INVS: variants seen among roughly 807,000 people sequenced by gnomAD.
INVS encodes inversion of embryo turning homolog.
Under a neutral mutation model 108.8 loss-of-function variants are expected in INVS, and 86 were observed. The observed-to-expected ratio is 0.79, with a 90% CI of 0.66 to 0.95. The LOEUF (loss-of-function observed/expected upper bound fraction) is 0.95, where lower values mean the gene tolerates loss of function less well. INVS is among the 40% of genes least tolerant of loss of function. The pLI is 0.00. For synonymous variants in INVS, 455 were observed against 473.5 expected (o/e 0.96, Z 0.51); for missense variants, 1,169 against 1,297.4 (o/e 0.90, Z 1.52).
intron 3 of INVS, among the ~76,000 whole-genome samples, chr9:100,167,059 C>A (rs982171916): frequency 9.2e-5 from 14 of 151,996 alleles, no homozygotes; most frequent in Admixed American, 2.6e-4. Context: ...GGCGAAACCC[C>A]ATCTCTACTA....
chr9:100,226,578 C>T (rs1215644608), intron 4 of INVS, among the ~76,000 whole-genome samples: 1 of 151,920 alleles, frequency 6.6e-6, no homozygotes, highest in Non-Finnish European at 1.5e-5. Context: ...TTTGGGAGGC[C>T]GAGGCAAGTG....
At chr9:100,190,204 T>G (rs895124786) in intron 3 of INVS, among the ~76,000 whole-genome samples, 22 of 152,224 alleles carry the variant, frequency 1.4e-4, no homozygotes, top group Admixed American at 7.9e-4. Context: ...TAGCTACTCT[T>G]GCCTGCTTTT....
chr9:100,237,367 G>A (rs928897289), intron 5 of INVS, among the ~76,000 whole-genome samples: 4 of 152,076 alleles, frequency 2.6e-5, no homozygotes, highest in Admixed American at 1.3e-4. Context: ...TGGAGTGAAC[G>A]GTTTTGTTTC....
intron 10 of INVS, among the ~76,000 whole-genome samples, chr9:100,259,557 C>CTTT (rs35844010): frequency 3.0e-5 from 4 of 132,968 alleles, no homozygotes; most frequent in African/African-American, 5.7e-5. Flanking sequence ...GAACTGGGGC[C>CTTT]TTTTTTTTTT....
At chr9:100,140,457 T>C (rs1828388871) in intron 3 of INVS, among the ~76,000 whole-genome samples, 1 of 152,150 alleles carries the variant, frequency 6.6e-6, no homozygotes, top group Non-Finnish European at 1.5e-5. Context: ...ATGTCATCAG[T>C]TAAGGCAAGA....
chr9:100,258,009 A>G lies in INVS; in HGVS notation c.1464+4873A>G, dbSNP rs185089352. Reference sequence around the variant, plus strand: ...ATAATATCCTGAACAGTGTTTTCCAACTTGGTTCCATTCTTCCCGTCACTT... The same window carrying G: ...ATAATATCCTGAACAGTGTTTTCCAGCTTGGTTCCATTCTTCCCGTCACTT... On this transcript the variant is annotated intron_variant, in intron 10 of 16. Transcript: ENST00000262457. Among the ~76,000 whole-genome samples the G allele has an allele frequency of 1.7e-3, 260 of 152,310 alleles. 1 individual carries two copies. Among genetic ancestry groups the G allele is most frequent in the African/African-American group, 5.3e-3 (220 of 41,562 alleles).
intron 7 of INVS, among the ~76,000 whole-genome samples, chr9:100,243,565 C>T (rs907024878): frequency 1.3e-5 from 2 of 152,160 alleles, no homozygotes; most frequent in Non-Finnish European, 2.9e-5. Context: ...CCAGTCCACC[C>T]TGCAACATGA....
At chr9:100,124,057 C>A (rs1827805640) in intron 2 of INVS, among the ~76,000 whole-genome samples, 1 of 152,220 alleles carries the variant, frequency 6.6e-6, no homozygotes, top group Admixed American at 6.5e-5. Context: ...GATCCGCCCA[C>A]CTCAGCCTCC....
intron 14 of INVS, among the ~76,000 whole-genome samples, chr9:100,295,238 T>G (rs1419035902): frequency 6.6e-6 from 1 of 152,166 alleles, no homozygotes; most frequent in Admixed American, 6.5e-5. Flanking sequence ...TGTCAGTAAG[T>G]GACCAGAGTA....
At chr9:100,212,411 A>G (rs1366753012) in intron 3 of INVS, among the ~76,000 whole-genome samples, 1 of 152,222 alleles carries the variant, frequency 6.6e-6, no homozygotes, top group Non-Finnish European at 1.5e-5. Flanking sequence ...TGAGACAACT[A>G]TTAATATAGA....
chr9:100,237,849 G>A lies in INVS; in HGVS notation c.616-2211G>A, dbSNP rs117417040. Among the ~76,000 whole-genome samples, 422 of 151,070 alleles carry A rather than the reference G, an allele frequency of 2.8e-3. 2 individuals are homozygous for A. The highest frequency in any genetic ancestry group is 5.1e-3 in the Non-Finnish European group (343 of 67,644). On this transcript the variant is annotated intron_variant, in intron 5 of 16. Coordinates refer to ENST00000262457, the MANE Select transcript of INVS (RefSeq NM_014425.5). ...TGACTCCCTTTAGTATAGATCTTTCGGTGGTCAACTCTCTCTGGTTTTTTG... is the reference window on the plus strand; with the variant it reads ...TGACTCCCTTTAGTATAGATCTTTCAGTGGTCAACTCTCTCTGGTTTTTTG...
rs547882091 is a variant in INVS, at chr9:100,213,693, G to A, written c.274-12369G>A. On this transcript the variant is annotated intron_variant, in intron 3 of 16. Transcript: ENST00000262457. ...ACACAGCAAAAAGAATGAGCACCAC[G>A]TCTATGCTTCCCTTGCCCCCAGAGA... Among the ~76,000 whole-genome samples the A allele has an allele frequency of 3.9e-5, 6 of 152,252 alleles. No individual in the cohort carries two copies. The East Asian group carries it at 9.6e-4, about 24-fold the overall frequency.
At chr9:100,106,372 A>C (rs1283496541) in intron 2 of INVS, among the ~76,000 whole-genome samples, 3 of 152,036 alleles carry the variant, frequency 2.0e-5, no homozygotes, top group African/African-American at 7.2e-5. Context: ...TTCTATGCTA[A>C]ATTCTTTCCA....
intron 13 of INVS, 56 bp downstream of exon 13, chr9:100,284,659 A>T (rs879247452): frequency 2.5e-6 from 4 of 1,571,652 alleles, no homozygotes; most frequent in Admixed American, 1.7e-5. Context: ...GGCTTTTTTG[A>T]TTGGTGTATT....
Position 100,292,434 on chromosome 9 carries a change from G to C in INVS, c.2177G>C (p.Arg726Thr), listed in dbSNP as rs996798805. 6.2e-7 allele frequency: 1 copy of C among 1,614,224 alleles called. No individual in the cohort carries two copies. The highest frequency in any genetic ancestry group is 8.5e-7 in the Non-Finnish European group (1 of 1,180,048). ...GGAGTTCCCTCTGTTGAGAAGTCCAGAGGTGAGACAGCTGGCGATGAGCGG... is the reference window on the plus strand; with the variant it reads ...GGAGTTCCCTCTGTTGAGAAGTCCACAGGTGAGACAGCTGGCGATGAGCGG... The part of the protein sequence containing the change: ...HPGVPSVEKS[R>T]GETAGDERCA... The change falls in exon 14 of 17, where the codon AGA becomes ACA. Residue 726 changes from arginine to threonine, a missense_variant. By Grantham distance (71) the Arg-to-Thr change is moderately conservative. Coordinates refer to ENST00000262457, the MANE Select transcript of INVS (RefSeq NM_014425.5).
intron 3 of INVS, among the ~76,000 whole-genome samples, chr9:100,174,538 A>G (rs969809638): frequency 6.6e-6 from 1 of 152,206 alleles, no homozygotes; most frequent in Non-Finnish European, 1.5e-5. Context: ...TAAGAAAATG[A>G]TGGCCAAAAA....
In INVS at chr9:100,100,659, AT is replaced by A. The variant is rs1272232443; in HGVS notation, c.-25+1244del. Among the ~76,000 whole-genome samples the A allele has an allele frequency of 1.2e-4, 6 of 49,328 alleles. 1 individual carries two copies. Among genetic ancestry groups the A allele is most frequent in the African/African-American group, 8.7e-4 (6 of 6,858 alleles). The allele number at this position is 49,328 out of a possible 152,430, so 32.4% of individuals were successfully genotyped here. A position where few individuals can be genotyped will look rare whatever the true frequency, so the allele number is the denominator to read the frequency against. ...TATATTATATATGTATATATAATAT[AT>A]ATATTATATATGTACATATAATATA... is the stretch of plus-strand genomic sequence containing the variant. On this transcript the variant is annotated intron_variant, in intron 1 of 16. Transcript: ENST00000262457.
intron 2 of INVS, among the ~76,000 whole-genome samples, chr9:100,122,909 G>T (rs776820124): frequency 1.3e-5 from 2 of 151,960 alleles, no homozygotes; most frequent in Non-Finnish European, 2.9e-5. Context: ...TTATATCTCA[G>T]CCTTTTTATT....
chr9:100,284,212 A>G (rs1489392362), intron 12 of INVS, 108 bp from the exon 13 acceptor site: 2 of 1,318,610 alleles, frequency 1.5e-6, no homozygotes, highest in South Asian at 1.3e-5. Context: ...AAATTTCCAA[A>G]TATCTCCTGT....
Sources: allele counts gnomAD v4.1 joint callset (sites outside exome capture counted in the v4.1 genomes callset), GRCh38; gene constraint gnomAD v4.1.1; transcripts MANE v1.5; gene names NCBI Gene and HGNC (gene_info 2026-07-23, HGNC 2026-07-21).